Variants in ZBTB20 observed in about 807,000 individuals in gnomAD.
ZBTB20 encodes the protein zinc finger and BTB domain containing 20.
A neutral mutation model predicts 56.9 loss-of-function variants in ZBTB20; 9 were observed. That is an observed-to-expected ratio of 0.16 (90% CI 0.10 to 0.28). ZBTB20 has a LOEUF of 0.28. ZBTB20 is among the 10% of genes least tolerant of loss of function. The probability of loss-of-function intolerance (pLI) is 1.00; values close to 1 mark genes in which losing one functional copy is unlikely to be tolerated. For synonymous variants in ZBTB20, 417 were observed against 420.7 expected, an observed-to-expected ratio of 0.99 and a Z score of 0.11; for missense variants, 655 against 1,003.0, an observed-to-expected ratio of 0.65 and a Z score of 4.69.
intron 1 of ZBTB20, among the ~76,000 whole-genome samples, chr3:115,135,700 A>G (rs1231407808): frequency 6.6e-6 from 1 of 152,172 alleles, no homozygotes; most frequent in African/African-American, 2.4e-5. Context: ...CATGTGTCCC[A>G]CATGTGGTTT....
intron 10 of ZBTB20, among the ~76,000 whole-genome samples, chr3:114,363,441 G>T (rs1322777493): frequency 6.6e-6 from 1 of 152,064 alleles, no homozygotes; most frequent in Non-Finnish European, 1.5e-5. Context: ...ATAATGAGAA[G>T]ATAAAATATG....
At chr3:115,046,596 G>C (rs1310991339) in intron 2 of ZBTB20, among the ~76,000 whole-genome samples, 2 of 152,074 alleles carry the variant, frequency 1.3e-5, no homozygotes, top group African/African-American at 4.8e-5. Context: ...GACTTAATAA[G>C]ACTACTTGAA....
At chr3:114,395,499 C>A (rs2086256130) in intron 7 of ZBTB20, among the ~76,000 whole-genome samples, 1 of 152,050 alleles carries the variant, frequency 6.6e-6, no homozygotes, top group Non-Finnish European at 1.5e-5. Context: ...CCTGTTAAAC[C>A]ATTAAACATG....
chr3:114,808,117 A>C (rs1008755591), intron 4 of ZBTB20, among the ~76,000 whole-genome samples: 1 of 152,080 alleles, frequency 6.6e-6, no homozygotes, highest in African/African-American at 2.4e-5. Context: ...CTAACTATAA[A>C]TTGTATAAAT....
chr3:114,862,090 G>T (rs1360440304), intron 4 of ZBTB20, among the ~76,000 whole-genome samples: 3 of 152,072 alleles, frequency 2.0e-5, no homozygotes, highest in Admixed American at 2.0e-4. Flanking sequence ...ATTCACTGAG[G>T]TATTTTTTTG....
chr3:115,047,082 T>C (rs2081360951), intron 2 of ZBTB20, among the ~76,000 whole-genome samples: 1 of 152,216 alleles, frequency 6.6e-6, no homozygotes, highest in African/African-American at 2.4e-5. Flanking sequence ...CAATACTTTC[T>C]TCTGCTTTCT....
At chr3:114,762,098 T>C (rs1403763615) in intron 5 of ZBTB20, among the ~76,000 whole-genome samples, 1 of 152,150 alleles carries the variant, frequency 6.6e-6, no homozygotes, top group Admixed American at 6.6e-5. Context: ...GTTAATAATA[T>C]AGTTGAACTG....
intron 7 of ZBTB20, among the ~76,000 whole-genome samples, chr3:114,424,227 G>C (rs1663677723): frequency 6.6e-6 from 1 of 152,196 alleles, no homozygotes; most frequent in Non-Finnish European, 1.5e-5. Flanking sequence ...GAGTGGAAAA[G>C]ATGCACACAG....
intron 7 of ZBTB20, among the ~76,000 whole-genome samples, chr3:114,402,746 G>T (rs1416212128): frequency 6.6e-6 from 1 of 152,180 alleles, no homozygotes; most frequent in African/African-American, 2.4e-5. Flanking sequence ...AAACAGCCAT[G>T]AGACACAACA....
chr3:114,623,076 G>T (rs903892715), intron 6 of ZBTB20, among the ~76,000 whole-genome samples: 13 of 152,004 alleles, frequency 8.6e-5, no homozygotes, highest in Admixed American at 8.5e-4. Context: ...CATGCTTAAT[G>T]AACATGCCAG....
chr3:114,810,611 A>C (rs914091605), intron 4 of ZBTB20, among the ~76,000 whole-genome samples: 1 of 152,252 alleles, frequency 6.6e-6, no homozygotes, highest in African/African-American at 2.4e-5. Context: ...TTGTCCCAAC[A>C]TAACTTTTAA....
In ZBTB20 at chr3:114,351,162, G is replaced by T. The variant is rs778085239; in HGVS notation, c.916C>A (p.Pro306Thr). The T allele has an allele frequency of 6.2e-7, 1 of 1,603,284 alleles. No individual in the cohort carries two copies. The highest frequency in any genetic ancestry group is 1.1e-5 in the South Asian group (1 of 90,930). The change falls in exon 11 of 12, where the codon CCC (proline) becomes ACC (threonine). Residue 306 changes from proline to threonine, a missense_variant. Physicochemically the swap from Pro to Thr is conservative, Grantham distance 38. Transcript: ENST00000675478. ...TGCTTGCGGCAGTGCGTGGTCTCGG[G>T]GGTGGTGGACAGGTAGCGCTCCATC... Reference protein sequence around the residue: ...QQMERYLSTTPETTHCRKQPR... With the variant: ...QQMERYLSTTTETTHCRKQPR...
At position 115,118,703 on chromosome 3, in the gene ZBTB20, ATTTTTTTTTTTTTTTTT is replaced by A. The variant is rs35607205; in HGVS notation, c.-703+28499_-703+28515del. Among the ~76,000 whole-genome samples the A allele has an allele frequency of 1.1e-4, 9 of 82,212 alleles. No individual in the cohort carries two copies. The South Asian group carries it at 4.8e-3, about 43-fold the overall frequency. The allele number at this position is 82,212 out of a possible 152,430, so 53.9% of individuals were successfully genotyped here. A position where few individuals can be genotyped will look rare whatever the true frequency, so the allele number is the denominator to read the frequency against. ...GGACCTAAAACTTTACCTGGTACAA[ATTTTTTTTTTTTTTTTT>A]TTTTTTTTTTTTTTGAGACGGAGTC... On this transcript the variant is annotated intron_variant, in intron 1 of 11. Coordinates refer to ENST00000675478, the MANE Select transcript of ZBTB20 (RefSeq NM_001348800.3).
chr3:115,114,295 G>A (rs150955190), intron 1 of ZBTB20, among the ~76,000 whole-genome samples: 126 of 152,180 alleles, frequency 8.3e-4, no homozygotes, highest in African/African-American at 2.9e-3. Context: ...AGATATAATG[G>A]TTGTCATGGG....
At chr3:114,424,807 T>C (rs1252444443) in intron 7 of ZBTB20, among the ~76,000 whole-genome samples, 1 of 152,174 alleles carries the variant, frequency 6.6e-6, no homozygotes, top group East Asian at 1.9e-4. Context: ...GGCACATCTT[T>C]TGTACCATGG....
chr3:114,341,785 T>C (rs1443002615), intron 11 of ZBTB20, among the ~76,000 whole-genome samples: 5 of 152,226 alleles, frequency 3.3e-5, no homozygotes, highest in Non-Finnish European at 7.3e-5. Context: ...TGTGAAGAGT[T>C]GGACCAGGCA....
intron 1 of ZBTB20, among the ~76,000 whole-genome samples, chr3:115,132,327 T>C (rs2084530804): frequency 6.6e-6 from 1 of 152,180 alleles, no homozygotes; most frequent in Admixed American, 6.6e-5. Context: ...AAAAGTCTCA[T>C]AGATGCCCAA....
At chr3:114,945,077 T>C (rs549231389) in intron 3 of ZBTB20, among the ~76,000 whole-genome samples, 6 of 145,790 alleles carry the variant, frequency 4.1e-5, no homozygotes, top group Non-Finnish European at 7.4e-5. Context: ...AACATCACAC[T>C]GTATCTCATA....
chr3:114,854,743 C>T (rs1178276474), intron 4 of ZBTB20, among the ~76,000 whole-genome samples: 1 of 152,112 alleles, frequency 6.6e-6, no homozygotes, highest in African/African-American at 2.4e-5. Flanking sequence ...ATCTCATTTG[C>T]CTTCTTAAAA....
Sources: allele counts gnomAD v4.1 joint callset (sites outside exome capture counted in the v4.1 genomes callset), GRCh38; gene constraint gnomAD v4.1.1; transcripts MANE v1.5; gene names NCBI Gene and HGNC (gene_info 2026-07-23, HGNC 2026-07-21).